PCDHGB7: variants seen among roughly 807,000 people sequenced by gnomAD.
PCDHGB7 encodes protocadherin gamma subfamily B, 7.
In PCDHGB7, 37 loss-of-function variants were observed where a neutral mutation model predicts 61.4. The ratio of observed to expected loss-of-function variants is 0.60; its 90% CI spans 0.46 to 0.79. The LOEUF (loss-of-function observed/expected upper bound fraction) is 0.79, where lower values mean the gene tolerates loss of function less well. Ranked by LOEUF, PCDHGB7 falls within the 30% of genes least tolerant of loss-of-function variation. The probability of loss-of-function intolerance (pLI) is 0.00; values close to 1 mark genes in which losing one functional copy is unlikely to be tolerated. For synonymous variants in PCDHGB7, 464 were observed against 503.5 expected, an observed-to-expected ratio of 0.92 and a Z score of 1.05; for missense variants, 1,166 against 1,202.5, an observed-to-expected ratio of 0.97 and a Z score of 0.45.
intron 2 of PCDHGB7, among the ~76,000 whole-genome samples, chr5:141,502,500 G>A (rs1398797155): frequency 6.6e-6 from 1 of 152,046 alleles, no homozygotes; most frequent in Non-Finnish European, 1.5e-5. Context: ...ATCTAACGTC[G>A]GCCTGTCCCA....
In PCDHGB7 at chr5:141,490,506, C is replaced by T. The variant is rs967095367; in HGVS notation, c.2416-4301C>T. ...GGGAGGCCACATCCCACTATATCAT[C>T]GAGCTGCTGGCCAGCGATGCTGGTT... is the stretch of plus-strand genomic sequence containing the variant. On this transcript the variant is annotated intron_variant, in intron 1 of 3. Transcript: ENST00000398594. This position sits in a 1 kb window ranked among gnomAD's most constrained non-coding sequence, Gnocchi z 5.4. The T allele has an allele frequency of 1.2e-5, 19 of 1,614,116 alleles. No homozygotes were observed. The highest frequency in any genetic ancestry group is 2.2e-5 in the South Asian group (2 of 91,088).
In PCDHGB7 at chr5:141,493,026, C is replaced by T. The variant is rs73280358; in HGVS notation, c.2416-1781C>T. 6.6e-6 allele frequency among the ~76,000 whole-genome samples: 1 copy of T among 152,190 alleles called. No individual in the cohort carries two copies. The highest frequency in any genetic ancestry group is 1.5e-5 in the Non-Finnish European group (1 of 68,034). Reference sequence around the variant, plus strand: ...TAGGCTCTGCCAGATGCCAGGGTGCCCTTATGTGTGAGGAAACTACAATAG... The same window carrying T: ...TAGGCTCTGCCAGATGCCAGGGTGCTCTTATGTGTGAGGAAACTACAATAG... On this transcript the variant is annotated intron_variant, in intron 1 of 3. Coordinates refer to ENST00000398594, the MANE Select transcript of PCDHGB7 (RefSeq NM_018927.4). This position sits in a 1 kb window ranked among gnomAD's most constrained non-coding sequence, Gnocchi z 4.3.
intron 1 of PCDHGB7, among the ~76,000 whole-genome samples, chr5:141,439,190 C>CAAA (rs200519543): frequency 1.8e-5 from 2 of 111,760 alleles, no homozygotes; most frequent in African/African-American, 6.3e-5. Context: ...GAGACTCTGA[C>CAAA]AAAAAAAAAA....
intron 1 of PCDHGB7, among the ~76,000 whole-genome samples, chr5:141,429,369 G>A (rs1368624471): frequency 6.7e-6 from 1 of 148,994 alleles, no homozygotes; most frequent in Non-Finnish European, 1.5e-5. Context: ...AGAAAATGGA[G>A]AAAATGTGTT....
At chr5:141,458,987 C>A (rs2098958554) in intron 1 of PCDHGB7, among the ~76,000 whole-genome samples, 1 of 152,168 alleles carries the variant, frequency 6.6e-6, no homozygotes, top group Non-Finnish European at 1.5e-5. Context: ...CCTGCCTCAC[C>A]CTCCCAAAGT....
In PCDHGB7 at chr5:141,490,959, C is replaced by T. The variant is rs1385897960; in HGVS notation, c.2416-3848C>T. ...TGCACCCACGGCCAGACTGGGAACA[C>T]TCAGCCCCCCAGCGTCTCCCTCGCT... On this transcript the variant is annotated intron_variant, in intron 1 of 3. Transcript: ENST00000398594. The surrounding 1 kb of genome is among the most constrained non-coding windows in gnomAD (Gnocchi z 5.4). 6.2e-7 allele frequency: 1 copy of T among 1,613,844 alleles called. No individual in the cohort carries two copies. Among genetic ancestry groups the T allele is most frequent in the South Asian group, 1.1e-5 (1 of 91,038 alleles).
In PCDHGB7 at chr5:141,418,140, A is replaced by C. The variant is rs1487263767; in HGVS notation, c.281A>C (p.Gln94Pro). The C allele has an allele frequency of 6.2e-7, 1 of 1,613,986 alleles. No individual in the cohort carries two copies. Among genetic ancestry groups the C allele is most frequent in the African/African-American group, 1.3e-5 (1 of 74,952 alleles). ...LLVKDRIDRE[Q>P]ICKERRRCEL... ...GTGAAGGACCGAATAGACCGTGAGC[A>C]AATATGCAAAGAGAGAAGAAGATGT... The change falls in exon 1 of 4, where the codon CAA becomes CCA. Residue 94 changes from glutamine (Q) to proline (P), a missense_variant. Transcript: ENST00000398594.
intron 3 of PCDHGB7, among the ~76,000 whole-genome samples, chr5:141,505,999 G>A (rs891447053): frequency 1.3e-5 from 2 of 152,172 alleles, no homozygotes; most frequent in African/African-American, 4.8e-5. Flanking sequence ...TTTATGCGAG[G>A]CTCCTCTTTT....
At chr5:141,426,955 C>T (rs1380917458) in intron 1 of PCDHGB7, 3 of 456,658 alleles carry the variant, frequency 6.6e-6, no homozygotes, top group South Asian at 1.5e-5. Flanking sequence ...ACTGGCACTG[C>T]TGCAATTCAA....
In PCDHGB7 at chr5:141,487,406, C is replaced by T; in HGVS notation, c.2416-7401C>T. The T allele has an allele frequency of 6.2e-7, 1 of 1,614,200 alleles. No individual in the cohort carries two copies. The highest frequency in any genetic ancestry group is 8.5e-7 in the Non-Finnish European group (1 of 1,180,044). ...ATCTCGAAGGAGGGAGGGGCTTCCC[C>T]CTTCCAATGGGATCCTCCGAATCCA... On this transcript the variant is annotated intron_variant, in intron 1 of 3. Coordinates refer to ENST00000398594, the MANE Select transcript of PCDHGB7 (RefSeq NM_018927.4). The surrounding 1 kb of genome is among the most constrained non-coding windows in gnomAD (Gnocchi z 5.0).
At chr5:141,444,119 T>G (rs1236466434) in intron 1 of PCDHGB7, among the ~76,000 whole-genome samples, 4 of 146,736 alleles carry the variant, frequency 2.7e-5, no homozygotes, top group African/African-American at 1.0e-4. Context: ...AAGTGAAGTA[T>G]CTCAACAGAT....
In PCDHGB7 at chr5:141,417,713, C is replaced by T. The variant is rs905298887; in HGVS notation, c.-147C>T. 1.3e-4 allele frequency: 160 copies of T among 1,271,624 alleles called. No homozygotes were observed. In the Admixed American group the frequency reaches 4.6e-3, roughly 37 times the overall value. The allele number at this position is 1,271,624 out of a possible 1,614,324, so 78.8% of individuals were successfully genotyped here. On this transcript the variant is annotated 5_prime_UTR_variant, in exon 1 of 4. Transcript: ENST00000398594. ...AAACCAGCTCCCACACAGAGGCTCC[C>T]GGCTGCGCAGACCTTGCCCAGCACA... is the stretch of plus-strand genomic sequence containing the variant.
chr5:141,436,298 T>C (rs1480546595), intron 1 of PCDHGB7, among the ~76,000 whole-genome samples: 3 of 152,186 alleles, frequency 2.0e-5, no homozygotes, highest in Non-Finnish European at 4.4e-5. Flanking sequence ...CATTGAGAGT[T>C]AGAGCATGAA....
intron 1 of PCDHGB7, among the ~76,000 whole-genome samples, chr5:141,460,889 G>A (rs901987902): frequency 3.3e-5 from 5 of 150,280 alleles, no homozygotes; most frequent in East Asian, 3.9e-4. Flanking sequence ...ATGCCTTTTC[G>A]TGGCTGAGTA....
At chr5:141,435,172 T>G (rs1406204282) in intron 1 of PCDHGB7, among the ~76,000 whole-genome samples, 1 of 152,198 alleles carries the variant, frequency 6.6e-6, no homozygotes, top group Non-Finnish European at 1.5e-5. Context: ...GAGTGGCTTT[T>G]AACTACACTT....
intron 1 of PCDHGB7, chr5:141,441,448 A>T (rs1415765869): frequency 1.2e-5 from 2 of 161,528 alleles, no homozygotes; most frequent in Non-Finnish European, 2.7e-5. Context: ...CAGCCCAAGC[A>T]TCACCCTACT....
intron 1 of PCDHGB7, chr5:141,468,662 C>G (rs1381049343): frequency 6.6e-6 from 1 of 150,534 alleles, no homozygotes; most frequent in East Asian, 2.0e-4. Context: ...GTCAGGAGAT[C>G]AAGACCATCC....
At chr5:141,465,714 C>T (rs1015102102) in intron 1 of PCDHGB7, among the ~76,000 whole-genome samples, 4 of 152,200 alleles carry the variant, frequency 2.6e-5, no homozygotes, top group Non-Finnish European at 5.9e-5. Context: ...AATGCCACCA[C>T]TTCCACCTCT....
Position 141,485,602 on chromosome 5 carries a change from G to A in PCDHGB7, c.2416-9205G>A, listed in dbSNP as rs766134158. On this transcript the variant is annotated intron_variant, in intron 1 of 3. Transcript: ENST00000398594. The surrounding 1 kb of genome is among the most constrained non-coding windows in gnomAD (Gnocchi z 5.7). ...GGCAGCAGCTGGACTTGGAAATTGG[G>A]GAGGCAGCTCCTCCAGGACAGCGTT... is the stretch of plus-strand genomic sequence containing the variant. 2.5e-6 allele frequency: 4 copies of A among 1,612,418 alleles called. No individual in the cohort carries two copies. In the Admixed American group the frequency reaches 5.0e-5, roughly 20 times the overall value.
Sources: gnomAD v4.1 joint callset for allele counts (sites outside exome capture counted in the v4.1 genomes callset) on GRCh38, gnomAD v4.1.1 for gene constraint, Gnocchi (gnomAD v3.1) non-coding constraint, MANE v1.5 for transcripts, NCBI Gene and HGNC (gene_info 2026-07-23, HGNC 2026-07-21) for gene names.